The following ACAD10 variants were observed in gnomAD, a reference collection of about 807,000 sequenced individuals.
The protein encoded by ACAD10 is ACAD-10.
A neutral mutation model predicts 116.8 loss-of-function variants in ACAD10; 112 were observed. The ratio of observed to expected loss-of-function variants is 0.96; its 90% confidence interval spans 0.82 to 1.12. The LOEUF (loss-of-function observed/expected upper bound fraction) is 1.12. Ranked by LOEUF, ACAD10 falls within the 50% of genes most tolerant of loss-of-function variation. The pLI, the probability that ACAD10 is intolerant of heterozygous loss-of-function variation, is 0.00. For synonymous variants in ACAD10, 486 were observed against 510.6 expected, an observed-to-expected ratio of 0.95 and a Z score of 0.65; for missense variants, 1,259 against 1,350.2, an observed-to-expected ratio of 0.93 and a Z score of 1.06.
intron 10 of ACAD10, among the ~76,000 whole-genome samples, chr12:111,731,051 A>G (rs776655447): frequency 1.3e-5 from 2 of 152,222 alleles, no homozygotes; most frequent in African/African-American, 2.4e-5. Context: ...TTGGCCTCCC[A>G]GAGTGCTGGG....
chr12:111,704,898 A>C (rs1453674470), intron 3 of ACAD10, among the ~76,000 whole-genome samples: 3 of 151,858 alleles, frequency 2.0e-5, no homozygotes, highest in Non-Finnish European at 2.9e-5. Flanking sequence ...CATGTTAGCC[A>C]GGATGGTCTC....
chr12:111,723,562 C>G (rs1889107460), intron 8 of ACAD10, among the ~76,000 whole-genome samples: 1 of 143,868 alleles, frequency 7.0e-6, no homozygotes, highest in Non-Finnish European at 1.6e-5. Context: ...GCGCCCCTCA[C>G]CTCCCGGACG....
At chr12:111,747,225 T>G in intron 15 of ACAD10, 39 bp downstream of exon 15, 1 of 1,609,850 alleles carries the variant, frequency 6.2e-7, no homozygotes, top group African/African-American at 1.3e-5. Context: ...CCTGGCCCTG[T>G]TGTTGTCGGC....
At chr12:111,708,312 C>T (rs999420106) in intron 4 of ACAD10, among the ~76,000 whole-genome samples, 48 of 152,224 alleles carry the variant, frequency 3.2e-4, no homozygotes, top group African/African-American at 1.1e-3. Context: ...CTTCCTGGAA[C>T]TTTGCCCCAT....
At chr12:111,702,996 G>A (rs1487828603) in intron 3 of ACAD10, among the ~76,000 whole-genome samples, 1 of 151,368 alleles carries the variant, frequency 6.6e-6, no homozygotes, top group African/African-American at 2.4e-5. Flanking sequence ...TCAGGAGGCT[G>A]AGGCTTGAGC....
rs142943440 is a variant in ACAD10 at position 111,755,000 on chromosome 12, G to A, written c.2962-668G>A. 3.6e-3 allele frequency among the ~76,000 whole-genome samples: 544 copies of A among 152,340 alleles called. 2 individuals are homozygous for A. Among genetic ancestry groups the A allele is most frequent in the Non-Finnish European group, 5.6e-3 (382 of 68,034 alleles). On this transcript the variant is annotated intron_variant, in intron 19 of 20. Coordinates refer to ENST00000313698, the MANE Select transcript of ACAD10 (RefSeq NM_025247.6). ...GCAGCCTCACCCAGCTCACATCAGC[G>A]AGACCTTGGGGCCTCTGTTTTGGAC...
chr12:111,723,588 T>TG (rs1889109576), intron 8 of ACAD10, among the ~76,000 whole-genome samples: 2 of 76,242 alleles, frequency 2.6e-5, no homozygotes, highest in African/African-American at 5.0e-5. Flanking sequence ...GCTGGCCGGG[T>TG]GGGGGGCTGA....
intron 10 of ACAD10, chr12:111,733,691 G>T: frequency 1.8e-6 from 1 of 563,232 alleles, no homozygotes; most frequent in South Asian, 2.3e-5. Flanking sequence ...AAGGAGCTGG[G>T]GAAATAAATA....
intron 13 of ACAD10, chr12:111,745,686 G>A (rs4767694): frequency 0.27 from 42,514 of 155,696 alleles, 7,698 homozygotes; most frequent in East Asian, 0.9. Context: ...TTATAGGCAC[G>A]TGCCACCATG....
At chr12:111,715,727 A>G (rs1458761315) in intron 6 of ACAD10, 94 bp from the exon 7 acceptor site, 1 of 1,547,724 alleles carries the variant, frequency 6.5e-7, no homozygotes, top group East Asian at 2.3e-5. Flanking sequence ...GGATATTTTG[A>G]AGCCCAAATG....
chr12:111,719,176 G>A (rs1888939115), intron 7 of ACAD10, among the ~76,000 whole-genome samples: 1 of 152,052 alleles, frequency 6.6e-6, no homozygotes, highest in African/African-American at 2.4e-5. Flanking sequence ...AATATTTGGG[G>A]GTTTTTTTCT....
intron 2 of ACAD10, among the ~76,000 whole-genome samples, chr12:111,701,960 C>T (rs775011787): frequency 6.6e-6 from 1 of 152,190 alleles, no homozygotes; most frequent in Admixed American, 6.5e-5. Flanking sequence ...GCAGTGTGCT[C>T]TCTGTTGTAC....
At chr12:111,742,746 G>C (rs1311281883) in intron 12 of ACAD10, among the ~76,000 whole-genome samples, 1 of 152,070 alleles carries the variant, frequency 6.6e-6, no homozygotes, top group Non-Finnish European at 1.5e-5. Context: ...TTTTGCTCTT[G>C]TCACCCAGGC....
intron 2 of ACAD10, among the ~76,000 whole-genome samples, chr12:111,698,302 T>A (rs954952886): frequency 6.6e-6 from 1 of 150,930 alleles, no homozygotes; most frequent in African/African-American, 2.4e-5. Context: ...CTGGCCTTTT[T>A]TTTTTTTTTT....
chr12:111,692,949 TG>T, intron 2 of ACAD10, 53 bp downstream of exon 2: 1 of 1,584,966 alleles, frequency 6.3e-7, no homozygotes, highest in Non-Finnish European at 8.6e-7. Flanking sequence ...GGTGGGAGAA[TG>T]GAGGGTGATC....
In ACAD10 at chr12:111,705,928, A is replaced by G. The variant is rs1372221310; in HGVS notation, c.527A>G (p.Asp176Gly). ...TTGCCCCTGGACCGGAAACAGTTTGATGTGGTAAGCTTGAGCTAATTGAAA... is the reference window on the plus strand; with the variant it reads ...TTGCCCCTGGACCGGAAACAGTTTGGTGTGGTAAGCTTGAGCTAATTGAAA... ...SFLPLDRKQFDVIVESCMEGI... is the reference protein window; with the variant it reads ...SFLPLDRKQFGVIVESCMEGI... The change falls in exon 4 of 21, where the codon GAT (aspartate) becomes GGT (glycine). Residue 176 changes from aspartate to glycine, a missense_variant. By Grantham distance (94) the Asp-to-Gly change is moderately conservative. Transcript: ENST00000313698. 1 of 1,614,082 alleles carries G rather than the reference A, an allele frequency of 6.2e-7. No individual in the cohort carries two copies.
At chr12:111,737,548 G>A (rs1389106973) in intron 12 of ACAD10, among the ~76,000 whole-genome samples, 2 of 152,078 alleles carry the variant, frequency 1.3e-5, no homozygotes, top group East Asian at 1.9e-4. Flanking sequence ...AATTTTTCCA[G>A]TTAAAGCATT....
intron 9 of ACAD10, 97 bp downstream of exon 9, chr12:111,728,240 C>A: frequency 8.0e-7 from 1 of 1,250,552 alleles, no homozygotes; most frequent in Non-Finnish European, 1.1e-6. Context: ...AGTATTAGCA[C>A]ACCAAGCGTA....
At chr12:111,694,687 A>G (rs1228604775) in intron 2 of ACAD10, among the ~76,000 whole-genome samples, 2 of 152,100 alleles carry the variant, frequency 1.3e-5, no homozygotes, top group Admixed American at 6.6e-5. Context: ...GGCTCTCTGG[A>G]TTTTACAAAA....
Sources: gnomAD v4.1 joint callset for allele counts (sites outside exome capture counted in the v4.1 genomes callset) on GRCh38, gnomAD v4.1.1 for gene constraint, MANE v1.5 for transcripts, NCBI Gene and HGNC (gene_info 2026-07-23, HGNC 2026-07-21) for gene names.